The following COL6A3 variants were observed in gnomAD, a reference collection of about 807,000 sequenced individuals.
COL6A3 encodes collagen alpha-3(VI) chain.
A neutral mutation model predicts 274.1 loss-of-function variants in COL6A3; 137 were observed. The ratio of observed to expected loss-of-function variants is 0.50; its 90% CI spans 0.44 to 0.58. COL6A3 has a LOEUF of 0.58. Ranked by LOEUF, COL6A3 falls within the 20% of genes least tolerant of loss-of-function variation. The probability of loss-of-function intolerance (pLI) is 0.00; values close to 1 mark genes in which losing one functional copy is unlikely to be tolerated. For synonymous variants in COL6A3, 1,650 were observed against 1,650.6 expected, an observed-to-expected ratio of 1.00 and a Z score of 0.01; for missense variants, 3,950 against 4,124.9, an observed-to-expected ratio of 0.96 and a Z score of 1.16.
At chr2:237,340,410 T>C in intron 38 of COL6A3, 42 bp downstream of exon 38, 3 of 1,586,354 alleles carry the variant, frequency 1.9e-6, no homozygotes, top group Non-Finnish European at 2.6e-6. Flanking sequence ...GGCCCGAGCA[T>C]AAAGCCAGGC....
intron 28 of COL6A3, among the ~76,000 whole-genome samples, 197 bp from the exon 29 acceptor site, chr2:237,348,860 G>C (rs900851116): frequency 3.3e-5 from 5 of 152,230 alleles, no homozygotes; most frequent in African/African-American, 1.2e-4. Flanking sequence ...GTAGGCGGTG[G>C]GCTCAAAGGA....
intron 27 of COL6A3, 105 bp downstream of exon 27, chr2:237,351,025 T>G (rs780993064): frequency 2.0e-4 from 208 of 1,057,688 alleles, no homozygotes; most frequent in Non-Finnish European, 2.9e-4. Flanking sequence ...TGGGAACCAG[T>G]AGTACTGAAG....
intron 1 of COL6A3, among the ~76,000 whole-genome samples, chr2:237,400,880 A>T (rs1332371849): frequency 1.3e-5 from 2 of 152,162 alleles, no homozygotes; most frequent in Non-Finnish European, 2.9e-5. Context: ...AGGATTATAC[A>T]CTCTAACCAA....
In COL6A3 at chr2:237,376,894, A is replaced by G; in HGVS notation, c.2948T>C (p.Leu983Ser). The G allele has an allele frequency of 6.2e-7, 1 of 1,614,222 alleles. No individual in the cohort carries two copies. Among genetic ancestry groups the G allele is most frequent in the Non-Finnish European group, 8.5e-7 (1 of 1,180,036 alleles). ...CGCTGGAGACAGCACGATCTGCTCT[A>G]ACTCAGCAGGGTCTGCGTTCTTGGC... Reference protein sequence around the residue: ...FQAKNADPAELEQIVLSPAFI... With the variant: ...FQAKNADPAESEQIVLSPAFI... The change falls in exon 7 of 44, where the codon TTA becomes TCA. Residue 983 changes from leucine to serine, a missense_variant. By Grantham distance (145) the Leu-to-Ser change is moderately radical. This residue lies in a region of COL6A3 where 1,934 missense variants were observed against 1,984.3 expected (regional missense o/e 0.97). Transcript: ENST00000295550.
intron 42 of COL6A3, chr2:237,333,146 A>C: frequency 2.2e-6 from 1 of 448,454 alleles, no homozygotes; most frequent in Non-Finnish European, 4.1e-6. Flanking sequence ...CACAGACCAC[A>C]AATCAACTCG....
At chr2:237,404,333 TG>T (rs1183562699) in intron 1 of COL6A3, among the ~76,000 whole-genome samples, 6 of 152,288 alleles carry the variant, frequency 3.9e-5, no homozygotes, top group Admixed American at 3.3e-4. Context: ...AAGGCAGTTG[TG>T]CCACTCCTCA....
Position 237,353,398 on chromosome 2 carries a change from G to C in COL6A3, c.6633C>G (p.Asn2211Lys), listed in dbSNP as rs776615869. The C allele has an allele frequency of 1.9e-6, 3 of 1,614,054 alleles. No homozygotes were observed. Among genetic ancestry groups the C allele is most frequent in the Non-Finnish European group, 8.5e-7 (1 of 1,179,984 alleles). The change falls in exon 25 of 44, where the codon AAC becomes AAG. Residue 2211 changes from asparagine (N) to lysine (K), a missense_variant. Asn to Lys is a moderately conservative substitution (Grantham distance 94). This residue lies in a region of COL6A3 where 1,284 missense variants were observed against 1,349.7 expected (regional missense o/e 0.95). Coordinates refer to ENST00000295550, the MANE Select transcript of COL6A3 (RefSeq NM_004369.4). ...GRRGPPGAKG[N>K]KGGPGQPGFE... ...AGCCCGGCTGGCCAGGACCGCCCTT[G>C]TTGCCCTTTGAAATAAGAGAAGATG...
In COL6A3 at chr2:237,364,256, G is replaced by A; in HGVS notation, c.5917+94C>T. On this transcript the variant is annotated intron_variant, in intron 13 of 43. Transcript: ENST00000295550. The surrounding 1 kb of genome is among the most constrained non-coding windows in gnomAD (Gnocchi z 4.6). ...CCCAAGACAACGCTGCTCCCTTGGGGCGCTGCATTAGCAGAGAGGTTTCTC... is the reference window on the plus strand; with the variant it reads ...CCCAAGACAACGCTGCTCCCTTGGGACGCTGCATTAGCAGAGAGGTTTCTC... 2 of 977,472 alleles carry A rather than the reference G, an allele frequency of 2.0e-6. No homozygotes were observed. Among genetic ancestry groups the A allele is most frequent in the East Asian group, 2.4e-5 (1 of 41,934 alleles). 60.5% of individuals were successfully genotyped at this position (977,472 alleles called of 1,614,324 possible).
chr2:237,346,561 T>C lies in COL6A3; in HGVS notation c.7034A>G (p.Asn2345Ser). ...GPKGIRGRRG[N>S]SGPPGIVGQK... is the part of the protein sequence containing the mutation. ...TCCAACTATCCCTGGAGGTCCCGAA[T>C]TTCCCTAGAGGGAGCAGAACAAACA... The change falls in exon 32 of 44, where the codon AAT becomes AGT. Residue 2345 changes from asparagine to serine, a missense_variant. Asn to Ser is a conservative substitution (Grantham distance 46). This residue lies in a region of COL6A3 where 1,284 missense variants were observed against 1,349.7 expected (regional missense o/e 0.95). Coordinates refer to ENST00000295550, the MANE Select transcript of COL6A3 (RefSeq NM_004369.4). The C allele has an allele frequency of 1.9e-6, 3 of 1,613,714 alleles. No individual in the cohort carries two copies. Among genetic ancestry groups the C allele is most frequent in the Non-Finnish European group, 2.5e-6 (3 of 1,179,680 alleles).
Position 237,376,941 on chromosome 2 carries a change from C to T in COL6A3, c.2901G>A (p.Gly967=). 1.2e-6 allele frequency: 2 copies of T among 1,614,202 alleles called. No individual in the cohort carries two copies. Among genetic ancestry groups the T allele is most frequent in the Non-Finnish European group, 1.7e-6 (2 of 1,180,032 alleles). Residue 967 remains glycine, a synonymous_variant, in exon 7 of 44, where the codon GGG becomes GGA. Coordinates refer to ENST00000295550, the MANE Select transcript of COL6A3 (RefSeq NM_004369.4). ...TGGCTTGGAAGATGAAAGGCACAAC[C>T]CCACTCTGCTTCAGGTTACTTGCTG... The part of the protein sequence containing the change: ...DGPASNLKQS[G]VVPFIFQAKN...
intron 27 of COL6A3, 60 bp from the exon 28 acceptor site, chr2:237,350,269 C>A: frequency 6.5e-7 from 1 of 1,528,118 alleles, no homozygotes; most frequent in Non-Finnish European, 9.1e-7. Flanking sequence ...AGTGTGATGC[C>A]AAGCCATGCT....
chr2:237,408,437 C>T (rs1296864718), intron 1 of COL6A3, among the ~76,000 whole-genome samples: 4 of 152,198 alleles, frequency 2.6e-5, no homozygotes, highest in Admixed American at 1.3e-4. Context: ...ACCGCCGGGC[C>T]GGCTGTGGGT....
intron 5 of COL6A3, 82 bp from the exon 6 acceptor site, chr2:237,379,317 A>G (rs2077942283): frequency 6.6e-7 from 1 of 1,526,410 alleles, no homozygotes. Context: ...ACGTGCACAC[A>G]TGCCAACATT....
intron 12 of COL6A3, 77 bp downstream of exon 12, chr2:237,365,620 TG>T: frequency 1.6e-6 from 2 of 1,278,216 alleles, no homozygotes; most frequent in Non-Finnish European, 2.3e-6. Flanking sequence ...GGATTTAACT[TG>T]GGGGAAGGGC....
Position 237,395,172 on chromosome 2 carries a change from ATAT to A in COL6A3, c.121_123del (p.Ile41del), listed in dbSNP as rs886042334. On this transcript the variant is annotated inframe_deletion, in exon 3 of 44. Coordinates refer to ENST00000295550, the MANE Select transcript of COL6A3 (RefSeq NM_004369.4). ...ATGGTCCAAGAGGAATCCACTAGAA[ATAT>A]TATATCAGCAGCCGCACCATTTTTG... is the stretch of plus-strand genomic sequence containing the variant. The A allele has an allele frequency of 1.6e-5, 26 of 1,613,576 alleles. No homozygotes were observed. The highest frequency in any genetic ancestry group is 2.2e-5 in the Non-Finnish European group (26 of 1,180,036).
At chr2:237,388,328 GA>G in intron 3 of COL6A3, 144 bp from the exon 4 acceptor site, 2 of 1,063,876 alleles carry the variant, frequency 1.9e-6, no homozygotes, top group Non-Finnish European at 2.8e-6. Flanking sequence ...GAAGGAATGT[GA>G]AATTCTCTTT....
At position 237,371,092 on chromosome 2, in the gene COL6A3, A is replaced by C. The variant is rs2077674824; in HGVS notation, c.4285+640T>G. On this transcript the variant is annotated intron_variant, in intron 9 of 43. Coordinates refer to ENST00000295550, the MANE Select transcript of COL6A3 (RefSeq NM_004369.4). The surrounding 1 kb of genome is among the most constrained non-coding windows in gnomAD (Gnocchi z 4.3). ...TACAGAATCACCTCCACGTCTTGACAACATCCAATCCAGGCCACAGTTCCA... is the reference window on the plus strand; with the variant it reads ...TACAGAATCACCTCCACGTCTTGACCACATCCAATCCAGGCCACAGTTCCA... Among the ~76,000 whole-genome samples the C allele has an allele frequency of 6.6e-6, 1 of 152,220 alleles. No individual in the cohort carries two copies. The highest frequency in any genetic ancestry group is 1.5e-5 in the Non-Finnish European group (1 of 68,038).
chr2:237,365,035 T>C (rs928107315), intron 12 of COL6A3, among the ~76,000 whole-genome samples: 12 of 150,828 alleles, frequency 8.0e-5, no homozygotes, highest in African/African-American at 2.9e-4. Context: ...TATTTGGAGA[T>C]AGGGTCTTTA....
At chr2:237,347,542 G>A (rs560154248) in intron 31 of COL6A3, among the ~76,000 whole-genome samples, 5 of 152,186 alleles carry the variant, frequency 3.3e-5, no homozygotes, top group Non-Finnish European at 7.3e-5. Context: ...ACTGCAGGTG[G>A]GTGCTGTGCC....
Sources: allele counts gnomAD v4.1 joint callset (sites outside exome capture counted in the v4.1 genomes callset), GRCh38; gene constraint gnomAD v4.1.1; regional missense constraint gnomAD v4.1.1; non-coding constraint Gnocchi (gnomAD v3.1); transcripts MANE v1.5; gene names NCBI Gene and HGNC (gene_info 2026-07-23, HGNC 2026-07-21).